RABGAP1L: variants seen among roughly 807,000 people sequenced by gnomAD.
The protein encoded by RABGAP1L is rab GTPase-activating protein 1-like.
RABGAP1L carries 63 observed loss-of-function variants against 137.7 expected under a neutral mutation model. The ratio of observed to expected loss-of-function variants is 0.46; its 90% CI spans 0.37 to 0.56. The LOEUF is 0.56. RABGAP1L is among the 20% of genes least tolerant of loss of function. RABGAP1L has a pLI of 0.00. For missense variants in RABGAP1L, 1,095 were observed against 1,244.0 expected, an observed-to-expected ratio of 0.88 and a Z score of 1.80; for synonymous variants, 431 against 433.7, an observed-to-expected ratio of 0.99 and a Z score of 0.08.
intron 13 of RABGAP1L, among the ~76,000 whole-genome samples, chr1:174,520,045 T>G (rs1025098896): frequency 6.6e-6 from 1 of 152,204 alleles, no homozygotes; most frequent in Non-Finnish European, 1.5e-5. Flanking sequence ...ATGAACACAA[T>G]GCCAGCACTG....
intron 13 of RABGAP1L, among the ~76,000 whole-genome samples, chr1:174,540,063 A>T (rs939355290): frequency 6.6e-6 from 1 of 152,096 alleles, no homozygotes; most frequent in African/African-American, 2.4e-5. Flanking sequence ...GCATTTTTTC[A>T]TGTGTCTTTT....
chr1:174,246,799 A>G (rs1165001168), intron 5 of RABGAP1L, among the ~76,000 whole-genome samples: 3 of 152,204 alleles, frequency 2.0e-5, no homozygotes, highest in Non-Finnish European at 4.4e-5. Flanking sequence ...GTAATTGGTT[A>G]TCCAGTTTGT....
At chr1:174,602,132 CTT>C (rs1350844529) in intron 13 of RABGAP1L, among the ~76,000 whole-genome samples, 1 of 152,116 alleles carries the variant, frequency 6.6e-6, no homozygotes, top group Non-Finnish European at 1.5e-5. Context: ...TTTCGGGTAT[CTT>C]TTCGTCAACG....
chr1:174,499,413 C>T (rs915195110), intron 13 of RABGAP1L, among the ~76,000 whole-genome samples: 4 of 152,182 alleles, frequency 2.6e-5, no homozygotes, highest in South Asian at 4.1e-4. Context: ...TAGAAAATAA[C>T]AAAATGTGGA....
rs930405837 is a variant in RABGAP1L, at chr1:174,694,622, C to G, written c.1900-4903C>G. ...CATTGTTGGACATTTGGGTTGGTTC[C>G]AAGTCTTTGCTATTGTGAATAATGC... On this transcript the variant is annotated intron_variant, in intron 15 of 25. Transcript: ENST00000681986. 9.8e-3 allele frequency among the ~76,000 whole-genome samples: 1,481 copies of G among 151,650 alleles called. 10 individuals carry two copies. Among genetic ancestry groups the G allele is most frequent in the Non-Finnish European group, 0.013 (884 of 67,834 alleles).
intron 1 of RABGAP1L, among the ~76,000 whole-genome samples, chr1:174,201,393 T>A (rs933593517): frequency 2.0e-5 from 3 of 152,104 alleles, no homozygotes; most frequent in Non-Finnish European, 4.4e-5. Context: ...AGATGGAGTT[T>A]CACCATGTTG....
At chr1:174,377,858 A>C (rs1232201600) in intron 12 of RABGAP1L, among the ~76,000 whole-genome samples, 1 of 145,160 alleles carries the variant, frequency 6.9e-6, no homozygotes. Flanking sequence ...ATATGTATAC[A>C]TGTGCCATGC....
chr1:174,420,738 A>G (rs1237364670), intron 13 of RABGAP1L, among the ~76,000 whole-genome samples: 3 of 146,912 alleles, frequency 2.0e-5, no homozygotes, highest in Admixed American at 6.9e-5. Context: ...GCAGTGGCGT[A>G]AGCTCGGCTC....
intron 1 of RABGAP1L, among the ~76,000 whole-genome samples, chr1:174,162,611 A>G (rs888804048): frequency 1.5e-4 from 23 of 152,172 alleles, no homozygotes; most frequent in African/African-American, 5.5e-4. Context: ...CTGTAAGCCT[A>G]TGGGATTCCC....
At chr1:174,530,476 G>A (rs1051133347) in intron 13 of RABGAP1L, among the ~76,000 whole-genome samples, 1 of 152,116 alleles carries the variant, frequency 6.6e-6, no homozygotes. Context: ...GTTACCCTCT[G>A]TTAGTTTCAG....
chr1:174,379,152 G>C (rs934922552), intron 12 of RABGAP1L, among the ~76,000 whole-genome samples: 25 of 149,090 alleles, frequency 1.7e-4, no homozygotes, highest in African/African-American at 4.7e-4. Flanking sequence ...CTATATCTCT[G>C]TTTTGGTACC....
At chr1:174,357,345 CTT>C (rs1431862063) in intron 11 of RABGAP1L, among the ~76,000 whole-genome samples, 1 of 152,108 alleles carries the variant, frequency 6.6e-6, no homozygotes, top group East Asian at 1.9e-4. Flanking sequence ...AATTCTTTGT[CTT>C]TGTCTCTCTA....
At chr1:174,847,400 G>A (rs1483876026) in intron 19 of RABGAP1L, among the ~76,000 whole-genome samples, 2 of 151,272 alleles carry the variant, frequency 1.3e-5, no homozygotes, top group South Asian at 2.1e-4. Flanking sequence ...GCTTCCTTCA[G>A]GAGCTCTTTT....
intron 11 of RABGAP1L, among the ~76,000 whole-genome samples, chr1:174,341,973 T>G (rs1235596363): frequency 2.0e-5 from 3 of 152,186 alleles, no homozygotes; most frequent in African/African-American, 7.2e-5. Flanking sequence ...TGGAGCTGGC[T>G]AAATGTTACA....
At chr1:174,512,226 C>A (rs1393336496) in intron 13 of RABGAP1L, among the ~76,000 whole-genome samples, 2 of 152,124 alleles carry the variant, frequency 1.3e-5, no homozygotes, top group Non-Finnish European at 2.9e-5. Context: ...ATAACACTTA[C>A]CATCTGGGAC....
chr1:174,363,904 T>C (rs933729309), intron 11 of RABGAP1L, among the ~76,000 whole-genome samples: 1 of 128,492 alleles, frequency 7.8e-6, no homozygotes, highest in African/African-American at 2.7e-5. Flanking sequence ...TCCCATTTGG[T>C]CATGATGAAT....
At chr1:174,420,744 G>A (rs1259263091) in intron 13 of RABGAP1L, among the ~76,000 whole-genome samples, 5 of 148,648 alleles carry the variant, frequency 3.4e-5, no homozygotes, top group African/African-American at 1.0e-4. Context: ...GCGTAAGCTC[G>A]GCTCACTGCA....
At chr1:174,965,095 TCTC>T (rs1669501917) in intron 20 of RABGAP1L, 2 of 737,286 alleles carry the variant, frequency 2.7e-6, no homozygotes, top group East Asian at 2.7e-5. Context: ...CAGCTGTACA[TCTC>T]CTATCCATAA....
At chr1:174,198,529 A>G (rs1188696507) in intron 1 of RABGAP1L, among the ~76,000 whole-genome samples, 3 of 152,170 alleles carry the variant, frequency 2.0e-5, no homozygotes, top group Non-Finnish European at 4.4e-5. Flanking sequence ...ATTTAGATTT[A>G]TTTGATTTAA....
Sources: allele counts gnomAD v4.1 joint callset (sites outside exome capture counted in the v4.1 genomes callset), GRCh38; gene constraint gnomAD v4.1.1; transcripts MANE v1.5; gene names NCBI Gene and HGNC (gene_info 2026-07-23, HGNC 2026-07-21).